LYN: variants seen among roughly 807,000 people sequenced by gnomAD.
LYN encodes LYN proto-oncogene, Src family tyrosine kinase.
In LYN, 12 loss-of-function variants were observed where a neutral mutation model predicts 65.0. The ratio of observed to expected loss-of-function variants is 0.18; its 90% confidence interval spans 0.12 to 0.30. The LOEUF is 0.30. LYN is among the 10% of genes least tolerant of loss of function. The pLI is 1.00. For synonymous variants in LYN, 222 were observed against 221.2 expected, an observed-to-expected ratio of 1.00 and a Z score of -0.03; for missense variants, 380 against 623.2, an observed-to-expected ratio of 0.61 and a Z score of 4.16.
At chr8:55,979,732 G>C (rs140030453) in intron 10 of LYN, among the ~76,000 whole-genome samples, 2 of 152,156 alleles carry the variant, frequency 1.3e-5, no homozygotes, top group African/African-American at 4.8e-5. Flanking sequence ...CCCTGATTCA[G>C]CGTCACCCCA....
chr8:56,000,418 G>GTGC lies in LYN; in HGVS notation c.1336+872_1336+874dup, dbSNP rs150043942. On this transcript the variant is annotated intron_variant, in intron 12 of 12. Coordinates refer to ENST00000519728, the MANE Select transcript of LYN (RefSeq NM_002350.4). ...CCATCCCTCCATTTTTCCATGGTCT[G>GTGC]TGCTGGCATGGTTAAGAAGAGGGAT... is the stretch of plus-strand genomic sequence containing the variant. Among the ~76,000 whole-genome samples the GTGC allele has an allele frequency of 6.5e-3, 993 of 152,088 alleles. 9 individuals carry two copies. Among genetic ancestry groups the GTGC allele is most frequent in the African/African-American group, 0.023 (958 of 41,452 alleles).
rs60930363 is a variant in LYN at position 55,908,222 on chromosome 8, C to CATTTATTTATTTATTTATTT, written c.-6+28140_-6+28159dup. ...TCCCAGACAGCTAAGCTGTTTAAAC[C>CATTTATTTATTTATTTATTT]ATTTATTTATTTATTTATTTATTTA... On this transcript the variant is annotated intron_variant, in intron 1 of 12. Coordinates refer to ENST00000519728, the MANE Select transcript of LYN (RefSeq NM_002350.4). Among the ~76,000 whole-genome samples the CATTTATTTATTTATTTATTT allele has an allele frequency of 6.6e-3, 940 of 143,036 alleles. 16 individuals carry two copies. Among genetic ancestry groups the CATTTATTTATTTATTTATTT allele is most frequent in the African/African-American group, 0.021 (778 of 37,706 alleles). 93.8% of individuals were successfully genotyped at this position (143,036 alleles called of 152,430 possible). A position where few individuals can be genotyped will look rare whatever the true frequency, so the allele number is the denominator to read the frequency against.
rs187658138 is a variant in LYN at position 55,904,853 on chromosome 8, C to A, written c.-6+24750C>A. On this transcript the variant is annotated intron_variant, in intron 1 of 12. Transcript: ENST00000519728. ...CAAGGTTCCCTACATTATTAGACTG[C>A]GCATTTTACCCTTTTTCAAAAGCAG... Among the ~76,000 whole-genome samples the A allele has an allele frequency of 4.6e-5, 7 of 152,246 alleles. No homozygotes were observed. In the East Asian group the frequency reaches 1.2e-3, roughly 25 times the overall value.
intron 1 of LYN, among the ~76,000 whole-genome samples, chr8:55,937,519 T>G (rs1806468763): frequency 6.6e-6 from 1 of 152,218 alleles, no homozygotes; most frequent in African/African-American, 2.4e-5. Context: ...CTACTATAAG[T>G]CATGCTAGCG....
chr8:55,887,360 G>A (rs1439680102), intron 1 of LYN, among the ~76,000 whole-genome samples: 1 of 151,752 alleles, frequency 6.6e-6, no homozygotes, highest in African/African-American at 2.4e-5. Flanking sequence ...ATTCATATAT[G>A]GACACATCAT....
At chr8:55,904,735 C>T (rs545014785) in intron 1 of LYN, among the ~76,000 whole-genome samples, 11 of 151,906 alleles carry the variant, frequency 7.2e-5, no homozygotes, top group Admixed American at 2.0e-4. Context: ...TGTAACAGAG[C>T]GAGACTCCAT....
At chr8:55,955,332 CTG>C (rs1347652079) in intron 8 of LYN, 1 of 152,228 alleles carries the variant, frequency 6.6e-6, no homozygotes, top group Non-Finnish European at 1.5e-5. Context: ...TTCAGGTAAA[CTG>C]TAATTACATG....
chr8:55,930,659 T>C (rs975037089), intron 1 of LYN, among the ~76,000 whole-genome samples: 1 of 152,164 alleles, frequency 6.6e-6, no homozygotes, highest in Non-Finnish European at 1.5e-5. Context: ...TGTCTTCCTC[T>C]GTGTGAAATT....
At chr8:55,991,686 G>C (rs1362063327) in intron 10 of LYN, among the ~76,000 whole-genome samples, 1 of 152,020 alleles carries the variant, frequency 6.6e-6, no homozygotes, top group Non-Finnish European at 1.5e-5. Context: ...TTTGTCATCA[G>C]CTTCAGGCAC....
At chr8:55,884,362 C>T (rs961437895) in intron 1 of LYN, among the ~76,000 whole-genome samples, 13 of 152,070 alleles carry the variant, frequency 8.5e-5, no homozygotes, top group African/African-American at 3.1e-4. Flanking sequence ...GTCTCGTCCT[C>T]ACAAAATGCT....
intron 10 of LYN, among the ~76,000 whole-genome samples, chr8:55,979,249 C>A (rs1807850840): frequency 6.6e-6 from 1 of 151,994 alleles, no homozygotes; most frequent in African/African-American, 2.4e-5. Context: ...ACCATGTTGG[C>A]CAGGCTGGTC....
intron 1 of LYN, 25 bp downstream of exon 1, chr8:55,880,128 G>C: frequency 4.2e-6 from 1 of 235,818 alleles, no homozygotes; most frequent in Non-Finnish European, 8.4e-6. Flanking sequence ...CGAGCCCAGG[G>C]GTGGGCGCGG....
chr8:55,883,711 G>A (rs374751924), intron 1 of LYN, among the ~76,000 whole-genome samples: 1 of 152,210 alleles, frequency 6.6e-6, no homozygotes. Context: ...TAAGGAGACA[G>A]GGCTCATAGG....
intron 10 of LYN, among the ~76,000 whole-genome samples, chr8:55,983,336 G>C (rs938516285): frequency 6.6e-6 from 1 of 152,166 alleles, no homozygotes; most frequent in Non-Finnish European, 1.5e-5. Context: ...CAGGTCTTGT[G>C]CTCTCTTGCT....
chr8:55,889,710 A>T (rs1804897966), intron 1 of LYN, among the ~76,000 whole-genome samples: 1 of 152,156 alleles, frequency 6.6e-6, no homozygotes, highest in Non-Finnish European at 1.5e-5. Flanking sequence ...CACCCAAATG[A>T]GTGCCCAGAA....
Position 55,879,925 on chromosome 8 carries a change from G to A in LYN, c.-184G>A. 1 of 201,016 alleles carries A rather than the reference G, an allele frequency of 5.0e-6. No individual in the cohort carries two copies. The highest frequency in any genetic ancestry group is 9.8e-6 in the Non-Finnish European group (1 of 101,616). The allele number at this position is 201,016 out of a possible 1,614,324, so 12.5% of individuals were successfully genotyped here. A position where few individuals can be genotyped will look rare whatever the true frequency, so the allele number is the denominator to read the frequency against. ...GACGCGCTGCAGCCTCCAGCCCGCG[G>A]CAAGCGGGGCGGCCGCGCCACCCCC... is the stretch of plus-strand genomic sequence containing the variant. On this transcript the variant is annotated 5_prime_UTR_variant, in exon 1 of 13. Transcript: ENST00000519728.
chr8:55,968,749 C>T (rs530596313), intron 9 of LYN, among the ~76,000 whole-genome samples: 39 of 152,146 alleles, frequency 2.6e-4, no homozygotes, highest in African/African-American at 6.8e-4. Context: ...TTGGATGCAA[C>T]CTTTGATTCC....
chr8:55,954,857 A>G (rs532433152), intron 8 of LYN, among the ~76,000 whole-genome samples: 3 of 148,984 alleles, frequency 2.0e-5, no homozygotes, highest in Non-Finnish European at 4.5e-5. Context: ...TAAATAAATA[A>G]ATAAATAAAT....
At chr8:55,985,268 A>G (rs1360904202) in intron 10 of LYN, among the ~76,000 whole-genome samples, 1 of 152,084 alleles carries the variant, frequency 6.6e-6, no homozygotes, top group East Asian at 1.9e-4. Flanking sequence ...AAAATGCTTG[A>G]CCTTGCTTCT....
Sources: gnomAD v4.1 joint callset for allele counts (sites outside exome capture counted in the v4.1 genomes callset) on GRCh38, gnomAD v4.1.1 for gene constraint, MANE v1.5 for transcripts, NCBI Gene and HGNC (gene_info 2026-07-23, HGNC 2026-07-21) for gene names.